Variants in C10orf90 observed in about 807,000 individuals in gnomAD.
The protein encoded by C10orf90 is (E2-independent) E3 ubiquitin-conjugating enzyme FATS.
C10orf90 carries 56 observed loss-of-function variants against 62.5 expected under a neutral mutation model. The ratio of observed to expected loss-of-function variants is 0.90; its 90% CI spans 0.72 to 1.12. The LOEUF is 1.12. Ranked by LOEUF, C10orf90 falls within the 50% of genes most tolerant of loss-of-function variation. The pLI is 0.00. For synonymous variants in C10orf90, 386 were observed against 340.4 expected (o/e 1.13, Z -1.47); for missense variants, 970 against 880.4 (o/e 1.10, Z -1.29).
intron 2 of C10orf90, among the ~76,000 whole-genome samples, chr10:126,644,430 C>T (rs931919117): frequency 6.6e-6 from 1 of 152,202 alleles, no homozygotes; most frequent in Admixed American, 6.5e-5. Flanking sequence ...GAGAATCAGC[C>T]CTGCTGGGAA....
At chr10:126,553,907 A>C (rs1399706315) in intron 2 of C10orf90, among the ~76,000 whole-genome samples, 1 of 152,236 alleles carries the variant, frequency 6.6e-6, no homozygotes, top group Admixed American at 6.5e-5. Flanking sequence ...ATACATTGCT[A>C]GTGTGAAGCT....
chr10:126,465,029 C>T, intron 4 of C10orf90, 43 bp from the exon 5 acceptor site: 1 of 1,576,612 alleles, frequency 6.3e-7, no homozygotes, highest in East Asian at 2.3e-5. Flanking sequence ...TCTTATGAAT[C>T]CAATCTAATG....
intron 2 of C10orf90, among the ~76,000 whole-genome samples, chr10:126,571,495 A>T (rs1844505141): frequency 6.6e-6 from 1 of 152,338 alleles, no homozygotes; most frequent in Non-Finnish European, 1.5e-5. Flanking sequence ...GGAAGCCTCC[A>T]GGCATACCTG....
chr10:126,487,163 A>AAG (rs1564826104), intron 4 of C10orf90, among the ~76,000 whole-genome samples: 4 of 150,266 alleles, frequency 2.7e-5, no homozygotes, highest in Non-Finnish European at 4.4e-5. Flanking sequence ...AAAAAAAAAA[A>AAG]AAAAAGAAAG....
At chr10:126,549,744 CAAAAA>C (rs35430859) in intron 2 of C10orf90, among the ~76,000 whole-genome samples, 1 of 143,758 alleles carries the variant, frequency 7.0e-6, no homozygotes, top group African/African-American at 2.6e-5. Context: ...TTCATAATAG[CAAAAA>C]AAAAAAAAAA....
intron 2 of C10orf90, among the ~76,000 whole-genome samples, chr10:126,543,377 T>A (rs1864420112): frequency 6.6e-6 from 1 of 152,200 alleles, no homozygotes; most frequent in Non-Finnish European, 1.5e-5. Context: ...TTAATTCAGA[T>A]AAAGTGCTTA....
chr10:126,525,262 G>A (rs1159054987), intron 2 of C10orf90, among the ~76,000 whole-genome samples: 1 of 152,180 alleles, frequency 6.6e-6, no homozygotes, highest in African/African-American at 2.4e-5. Flanking sequence ...AGGCGCATTC[G>A]GCCCACTGCA....
intron 2 of C10orf90, among the ~76,000 whole-genome samples, chr10:126,517,378 G>A (rs1863491204): frequency 6.6e-6 from 1 of 152,224 alleles, no homozygotes; most frequent in African/African-American, 2.4e-5. Flanking sequence ...CAGAGGGTGT[G>A]CAGGCCCTGA....
chr10:126,537,319 A>C (rs886576299), intron 2 of C10orf90, among the ~76,000 whole-genome samples: 5 of 152,226 alleles, frequency 3.3e-5, no homozygotes, highest in Non-Finnish European at 7.3e-5. Flanking sequence ...TGTAGCCTTT[A>C]CCTAAAAAGA....
At chr10:126,570,488 A>T (rs1254315990) in intron 2 of C10orf90, among the ~76,000 whole-genome samples, 1 of 152,220 alleles carries the variant, frequency 6.6e-6, no homozygotes, top group Non-Finnish European at 1.5e-5. Context: ...AAGCAATAAA[A>T]GGAGGGACTT....
chr10:126,434,737 CA>C (rs1368298907), intron 7 of C10orf90, among the ~76,000 whole-genome samples: 2 of 152,162 alleles, frequency 1.3e-5, no homozygotes, highest in Admixed American at 1.3e-4. Context: ...TCTAAGATCA[CA>C]AGGCTGTGCA....
intron 2 of C10orf90, among the ~76,000 whole-genome samples, chr10:126,599,117 C>T (rs1845142462): frequency 1.3e-5 from 2 of 152,008 alleles, no homozygotes; most frequent in South Asian, 4.2e-4. Context: ...GTCTCCTCTG[C>T]ACACCAAGTA....
chr10:126,462,600 C>T (rs918009613), intron 5 of C10orf90, among the ~76,000 whole-genome samples: 30 of 152,186 alleles, frequency 2.0e-4, no homozygotes, highest in Non-Finnish European at 4.0e-4. Context: ...CCTATGACTC[C>T]GTCGAGGGCT....
At chr10:126,485,751 T>C (rs1409326558) in intron 4 of C10orf90, among the ~76,000 whole-genome samples, 1 of 150,940 alleles carries the variant, frequency 6.6e-6, no homozygotes, top group African/African-American at 2.5e-5. Flanking sequence ...CCATCCTGTC[T>C]AACATGGTGA....
intron 1 of C10orf90, among the ~76,000 whole-genome samples, chr10:126,660,358 T>C (rs1339263734): frequency 6.6e-6 from 1 of 152,200 alleles, no homozygotes; most frequent in East Asian, 1.9e-4. Context: ...TTTATAGAAG[T>C]CAGAGAGATT....
Position 126,504,045 on chromosome 10 carries a change from T to G in C10orf90, c.1446A>C (p.Lys482Asn), listed in dbSNP as rs746709237. ...NVGANQVTVRKGEKDHTTHCH... is the reference protein window; with the variant it reads ...NVGANQVTVRNGEKDHTTHCH... ...AATGAGTTGTATGGTCCTTTTCCCC[T>G]TTTCTTACAGTGACTTGGTTAGCTC... Residue 482 changes from lysine to asparagine, a missense_variant, in exon 4 of 10, where the codon AAA becomes AAC. Physicochemically the swap from Lys to Asn is moderately conservative, Grantham distance 94. Transcript: ENST00000488181. This position sits in a 1 kb window ranked among gnomAD's most constrained non-coding sequence, Gnocchi z 4.1. 37 of 1,614,134 alleles carry G rather than the reference T, an allele frequency of 2.3e-5. No homozygotes were observed. Among genetic ancestry groups the G allele is most frequent in the Non-Finnish European group, 2.9e-5 (34 of 1,180,030 alleles).
rs757653481 is a variant in C10orf90, at chr10:126,426,085, T to G, written c.2258A>C (p.Tyr753Ser). The G allele has an allele frequency of 1.3e-5, 21 of 1,612,982 alleles. No individual in the cohort carries two copies. The South Asian group carries it at 2.3e-4, about 18-fold the overall frequency. ...CTTTTTAACTTCCGGCAAGTTATCA[T>G]AGATTCTGAAACAGATTCGGAAAAC... ...KEMHMRSKRI[Y>S]DNLPEVKKKK... The change falls in exon 9 of 10, where the codon TAT becomes TCT. Residue 753 changes from tyrosine to serine, a missense_variant. By Grantham distance (144) the Tyr-to-Ser change is moderately radical. Coordinates refer to ENST00000488181, the MANE Select transcript of C10orf90 (RefSeq NM_001350921.2).
chr10:126,460,066 C>T (rs1157336364), intron 6 of C10orf90, among the ~76,000 whole-genome samples: 1 of 152,224 alleles, frequency 6.6e-6, no homozygotes, highest in Non-Finnish European at 1.5e-5. Context: ...TCTTTTCCTG[C>T]ACTGCCTTTT....
chr10:126,488,953 A>G (rs558514264), intron 4 of C10orf90, among the ~76,000 whole-genome samples: 17 of 152,224 alleles, frequency 1.1e-4, no homozygotes, highest in Non-Finnish European at 2.4e-4. Context: ...TCTACCAAAC[A>G]CTTACAGAAG....
Sources: allele counts gnomAD v4.1 joint callset (sites outside exome capture counted in the v4.1 genomes callset), GRCh38; gene constraint gnomAD v4.1.1; non-coding constraint Gnocchi (gnomAD v3.1); transcripts MANE v1.5; gene names NCBI Gene and HGNC (gene_info 2026-07-23, HGNC 2026-07-21).